Variants in CHCT1 observed in about 807,000 individuals in gnomAD.
The protein encoded by CHCT1 is CHD1 helical C-terminal domain containing 1, also known as CHD1 helical C-terminal domain containing protein 1.
chr17:60,425,981 C>A, the CHCT1 span: 1 of 1,276,888 alleles, frequency 7.8e-7, no homozygotes, highest in Non-Finnish European at 1.1e-6. Flanking sequence ...CAGCGCATTG[C>A]CCCACTTGTC....
chr17:60,429,970 G>A, the CHCT1 span, among the ~76,000 whole-genome samples: 1 of 151,812 alleles, frequency 6.6e-6, no homozygotes, highest in East Asian at 1.9e-4. Context: ...GATTAGAGAT[G>A]CCCATCACCA....
the CHCT1 span, among the ~76,000 whole-genome samples, chr17:60,423,882 C>G: frequency 6.6e-6 from 1 of 152,186 alleles, no homozygotes; most frequent in Non-Finnish European, 1.5e-5. Context: ...ATTTTGCATT[C>G]CTATAAAGGA....
chr17:60,429,447 G>C, the CHCT1 span: 1 of 1,614,244 alleles, frequency 6.2e-7, no homozygotes, highest in Non-Finnish European at 8.5e-7. Flanking sequence ...CATGCATGGG[G>C]GCTGCACAGC....
chr17:60,425,154 C>T, the CHCT1 span, among the ~76,000 whole-genome samples: 7 of 152,182 alleles, frequency 4.6e-5, no homozygotes, highest in African/African-American at 1.7e-4. Context: ...AAACCCCAGT[C>T]CAGAACTCCT....
At chr17:60,422,503 C>T in the CHCT1 span, 1 of 1,540,230 alleles carries the variant, frequency 6.5e-7, no homozygotes, top group Non-Finnish European at 8.8e-7. Context: ...CGCCCACTCC[C>T]TGAGACGGCT....
the CHCT1 span, chr17:60,421,252 CAACAACGACAACAAT>C: frequency 1.5e-6 from 1 of 647,392 alleles, no homozygotes; most frequent in Non-Finnish European, 1.9e-6. Context: ...CTTACAACAA[CAACAACGACAACAAT>C]AACAACAAGA....
chr17:60,429,418 C>T, the CHCT1 span: 2 of 1,614,252 alleles, frequency 1.2e-6, no homozygotes, highest in South Asian at 1.1e-5. Flanking sequence ...ACCGGGAAGA[C>T]AGTCTGCCCA....
At chr17:60,429,830 T>C in the CHCT1 span, among the ~76,000 whole-genome samples, 132 of 152,132 alleles carry the variant, frequency 8.7e-4, 1 homozygote, top group Non-Finnish European at 1.6e-3. Context: ...TATTTTATTT[T>C]ATTTATTTTT....
At chr17:60,429,595 A>G in the CHCT1 span, 8 of 1,591,344 alleles carry the variant, frequency 5.0e-6, no homozygotes, top group Non-Finnish European at 6.0e-6. Flanking sequence ...GCCTGGACCC[A>G]GGAGTTTGTG....
At chr17:60,431,189 A>G in the CHCT1 span, 46 of 1,598,444 alleles carry the variant, frequency 2.9e-5, no homozygotes, top group Middle Eastern at 5.0e-4. Context: ...AGATTCTTTA[A>G]GGGAGCTTTC....
the CHCT1 span, chr17:60,422,262 C>G: frequency 2.7e-6 from 1 of 370,302 alleles, no homozygotes; most frequent in East Asian, 8.1e-5. Flanking sequence ...GTGTCAGGAT[C>G]AGCATCTGAC....
At chr17:60,423,416 C>CTCCT in the CHCT1 span, among the ~76,000 whole-genome samples, 3 of 152,016 alleles carry the variant, frequency 2.0e-5, no homozygotes, top group Non-Finnish European at 4.4e-5. Flanking sequence ...TGGTCTTGAA[C>CTCCT]TCCTGACTTC....
At chr17:60,423,611 G>A in the CHCT1 span, among the ~76,000 whole-genome samples, 3 of 151,854 alleles carry the variant, frequency 2.0e-5, no homozygotes, top group Non-Finnish European at 2.9e-5. Context: ...TTACAGGCAC[G>A]TGCCACCACA....
At chr17:60,425,974 C>T in the CHCT1 span, 10 of 1,296,016 alleles carry the variant, frequency 7.7e-6, no homozygotes, top group South Asian at 9.1e-5. Flanking sequence ...AGACCCACAG[C>T]GCATTGCCCC....
the CHCT1 span, among the ~76,000 whole-genome samples, chr17:60,427,599 A>G: frequency 6.6e-6 from 1 of 152,058 alleles, no homozygotes; most frequent in Non-Finnish European, 1.5e-5. Flanking sequence ...TTTTTAGTAG[A>G]AACGAGGTTT....
the CHCT1 span, chr17:60,429,284 A>G: frequency 6.8e-7 from 1 of 1,465,752 alleles, no homozygotes; most frequent in Non-Finnish European, 9.2e-7. Flanking sequence ...GCATTTCTCA[A>G]CAAATGCGGT....
chr17:60,425,742 C>T, the CHCT1 span: 156 of 1,451,644 alleles, frequency 1.1e-4, 1 homozygote, highest in South Asian at 8.7e-4. Flanking sequence ...CCAGGAGTAA[C>T]GGTCCAATCC....
the CHCT1 span, among the ~76,000 whole-genome samples, chr17:60,427,394 G>T: frequency 5.9e-5 from 9 of 152,052 alleles, no homozygotes; most frequent in African/African-American, 1.2e-4. Context: ...TTAGGGAGAG[G>T]TGCTTTCACC....
the CHCT1 span, chr17:60,426,234 A>G: frequency 6.4e-7 from 1 of 1,551,942 alleles, no homozygotes; most frequent in Non-Finnish European, 8.7e-7. Context: ...CCCCAGAAGA[A>G]GAAGCTGAAG....
Sources: allele counts gnomAD v4.1 joint callset (sites outside exome capture counted in the v4.1 genomes callset), GRCh38; gene constraint gnomAD v4.1.1; transcripts MANE v1.5; gene names NCBI Gene and HGNC (gene_info 2026-07-23, HGNC 2026-07-21).